The following C17orf100 variants were observed in gnomAD, a reference collection of about 807,000 sequenced individuals.
C17orf100 encodes the protein uncharacterized protein C17orf100.
C17orf100 carries 1 observed loss-of-function variant against 0.7 expected under a neutral mutation model. That is an observed-to-expected ratio of 1.50 (90% CI 0.53 to 7.13). C17orf100 has a LOEUF of 7.13. Among genes scored for constraint, C17orf100 ranks in the 30% most tolerant of loss-of-function variants. The pLI, the probability that C17orf100 is intolerant of heterozygous loss-of-function variation, is 0.14. For synonymous variants in C17orf100, 87 were observed against 84.0 expected (o/e 1.04, Z -0.20); for missense variants, 168 against 171.5 (o/e 0.98, Z 0.11).
At position 6,651,780 on chromosome 17, in the gene C17orf100, C is replaced by T; in HGVS notation, c.-134C>T. 6.9e-7 allele frequency: 1 copy of T among 1,443,334 alleles called. No individual in the cohort carries two copies. Among genetic ancestry groups the T allele is most frequent in the Non-Finnish European group, 9.1e-7 (1 of 1,104,340 alleles). The allele number at this position is 1,443,334 out of a possible 1,614,324, so 89.4% of individuals were successfully genotyped here. On this transcript the variant is annotated 5_prime_UTR_variant, in exon 1 of 1. Transcript: ENST00000542475. ...GTCCAGTGTTTTAGCCTTCGAAGGA[C>T]CATGGTGCTTCCACGTCATCGTGTT... is the stretch of plus-strand genomic sequence containing the variant.
chr17:6,652,515 G>C lies in C17orf100; in HGVS notation c.*245G>C. ...AGTGAACTATTTTCACTTGAAGCCA[G>C]CACAGAAGGTTTTCAGGCCCAGGAT... On this transcript the variant is annotated 3_prime_UTR_variant, in exon 1 of 1. Coordinates refer to ENST00000542475, the MANE Select transcript of C17orf100 (RefSeq NM_001105520.2). The C allele has an allele frequency of 1.4e-6, 2 of 1,424,596 alleles. No homozygotes were observed. The highest frequency in any genetic ancestry group is 1.8e-6 in the Non-Finnish European group (2 of 1,083,402). 88.2% of individuals were successfully genotyped at this position (1,424,596 alleles called of 1,614,324 possible).
Position 6,652,357 on chromosome 17 carries a change from C to T in C17orf100, c.*87C>T, listed in dbSNP as rs1389012918. The T allele has an allele frequency of 1.9e-6, 3 of 1,568,868 alleles. No individual in the cohort carries two copies. In the South Asian group the frequency reaches 3.5e-5, roughly 18 times the overall value. The stretch of plus-strand genomic sequence containing the variant: ...AGTTGCCAGCCAGCCAGCCAGCTGC[C>T]AGGTGGACCAATCATTTTCGGTTTC... On this transcript the variant is annotated 3_prime_UTR_variant, in exon 1 of 1. Coordinates refer to ENST00000542475, the MANE Select transcript of C17orf100 (RefSeq NM_001105520.2).
Position 6,652,221 on chromosome 17 carries a change from CCCCGCGGGCCAAGCCGGCCG to C in C17orf100, c.314_333del (p.Arg105ProfsTer63). The C allele has an allele frequency of 6.2e-7, 1 of 1,607,472 alleles. No homozygotes were observed. Among genetic ancestry groups the C allele is most frequent in the Non-Finnish European group, 8.5e-7 (1 of 1,179,698 alleles). On this transcript the variant is annotated frameshift_variant, in exon 1 of 1. Coordinates refer to ENST00000542475, the MANE Select transcript of C17orf100 (RefSeq NM_001105520.2). LOFTEE classifies it high-confidence loss of function. ...TCTCTGCACTGCGCGGAGAGCCCGA[CCCCGCGGGCCAAGCCGGCCG>C]CCCGCCAGAACGAAAAAACGGCCCG...
chr17:6,652,106 G>T lies in C17orf100; in HGVS notation c.193G>T (p.Glu65Ter), dbSNP rs370835982. Residue 65 changes from glutamate (E) to a stop codon, truncating the protein, a stop_gained, in exon 1 of 1, where the codon GAG becomes TAG. Transcript: ENST00000542475. LOFTEE classifies it low-confidence loss of function (END_TRUNC). ...GGGGAAGCGGCTCCCTCGCATCCTC[G>T]AGGCGTCCTCCCGGCACGTGGAATC... Reference protein sequence around the residue: ...PSGKRLPRILEASSRHVESSS... With the variant: ...PSGKRLPRIL The T allele has an allele frequency of 9.5e-6, 15 of 1,586,478 alleles. No homozygotes were observed. The highest frequency in any genetic ancestry group is 1.1e-5 in the Non-Finnish European group (13 of 1,171,892).
rs1170112812 is a variant in C17orf100, at chr17:6,651,816, C to A, written c.-98C>A. 1 of 1,442,942 alleles carries A rather than the reference C, an allele frequency of 6.9e-7. No homozygotes were observed. Among genetic ancestry groups the A allele is most frequent in the Non-Finnish European group, 9.1e-7 (1 of 1,102,482 alleles). 89.4% of individuals were successfully genotyped at this position (1,442,942 alleles called of 1,614,324 possible). On this transcript the variant is annotated 5_prime_UTR_variant, in exon 1 of 1. Coordinates refer to ENST00000542475, the MANE Select transcript of C17orf100 (RefSeq NM_001105520.2). The stretch of plus-strand genomic sequence containing the variant: ...CCACGTCATCGTGTTGTGGCGCTCC[C>A]GGCTATGGCAGTACCGTAGTTTTCC...
chr17:6,652,252 C>G lies in C17orf100; in HGVS notation c.339C>G (p.Asn113Lys). ...GGGCCAAGCCGGCCGCCCGCCAGAACGAAAAAACGGCCCGATGAGATGCTG... is the reference window on the plus strand; with the variant it reads ...GGGCCAAGCCGGCCGCCCGCCAGAAGGAAAAAACGGCCCGATGAGATGCTG... ...TPRAKPAARQ[N>K]EKTAR is the part of the protein sequence containing the mutation. The change falls in exon 1 of 1, where the codon AAC becomes AAG. Residue 113 changes from asparagine to lysine, a missense_variant. Asn to Lys is a moderately conservative substitution (Grantham distance 94). Transcript: ENST00000542475. 1 of 1,610,800 alleles carries G rather than the reference C, an allele frequency of 6.2e-7. No homozygotes were observed. The highest frequency in any genetic ancestry group is 1.1e-5 in the South Asian group (1 of 91,068).
rs1972854249 is a variant in C17orf100 at position 6,652,535 on chromosome 17, CA to C, written c.*266del. On this transcript the variant is annotated 3_prime_UTR_variant, in exon 1 of 1. Coordinates refer to ENST00000542475, the MANE Select transcript of C17orf100 (RefSeq NM_001105520.2). ...AGCCAGCACAGAAGGTTTTCAGGCC[CA>C]GGATGCTGTCTAAATCGGGTTGATG... 1 of 1,385,630 alleles carries C rather than the reference CA, an allele frequency of 7.2e-7. No homozygotes were observed. Among genetic ancestry groups the C allele is most frequent in the East Asian group, 2.8e-5 (1 of 35,610 alleles). 85.8% of individuals were successfully genotyped at this position (1,385,630 alleles called of 1,614,324 possible).
chr17:6,651,941 T>C lies in C17orf100; in HGVS notation c.28T>C (p.Ser10Pro). ...GGCCTCAGCCCGAGGGGCCAAGCAG[T>C]CTTCGCCCCGGGTGGGGACCACCCG... MASARGAKQSSPRVGTTRYT... is the reference protein window; with the variant it reads MASARGAKQPSPRVGTTRYT... Residue 10 changes from serine (S) to proline (P), a missense_variant, in exon 1 of 1, where the codon TCT becomes CCT. By Grantham distance (74) the Ser-to-Pro change is moderately conservative (BLOSUM62 -1). Coordinates refer to ENST00000542475, the MANE Select transcript of C17orf100 (RefSeq NM_001105520.2). 2.0e-6 allele frequency: 3 copies of C among 1,512,928 alleles called. No individual in the cohort carries two copies. Among genetic ancestry groups the C allele is most frequent in the Non-Finnish European group, 2.7e-6 (3 of 1,125,862 alleles). The allele number at this position is 1,512,928 out of a possible 1,614,324, so 93.7% of individuals were successfully genotyped here.
rs747097323 is a variant in C17orf100, at chr17:6,652,335, T to TGCCA, written c.*80_*83dup. The TGCCA allele has an allele frequency of 3.8e-6, 6 of 1,595,244 alleles. No individual in the cohort carries two copies. The highest frequency in any genetic ancestry group is 1.8e-5 in the Admixed American group (1 of 56,348). ...CAGCCAGGACAGAAAGGCCTCCAGT[T>TGCCA]GCCAGCCAGCCAGCCAGCTGCCAGG... On this transcript the variant is annotated 3_prime_UTR_variant, in exon 1 of 1. Transcript: ENST00000542475.
At position 6,652,330 on chromosome 17, in the gene C17orf100, C is replaced by G. The variant is rs1972852147; in HGVS notation, c.*60C>G. ...GCCCTCAGCCAGGACAGAAAGGCCT[C>G]CAGTTGCCAGCCAGCCAGCCAGCTG... On this transcript the variant is annotated 3_prime_UTR_variant, in exon 1 of 1. Transcript: ENST00000542475. 2 of 1,598,340 alleles carry G rather than the reference C, an allele frequency of 1.3e-6. No individual in the cohort carries two copies. The highest frequency in any genetic ancestry group is 2.3e-5 in the East Asian group (1 of 44,198).
rs776392644 is a variant in C17orf100 at position 6,652,116 on chromosome 17, C to G, written c.203C>G (p.Ser68Cys). ...CTCCCTCGCATCCTCGAGGCGTCCT[C>G]CCGGCACGTGGAATCCTCCTCGCAG... ...KRLPRILEASSRHVESSSQRT... is the reference protein window; with the variant it reads ...KRLPRILEASCRHVESSSQRT... Residue 68 changes from serine (S) to cysteine (C), a missense_variant, in exon 1 of 1, where the codon TCC becomes TGC. Physicochemically the swap from Ser to Cys is moderately radical, Grantham distance 112. Coordinates refer to ENST00000542475, the MANE Select transcript of C17orf100 (RefSeq NM_001105520.2). 3 of 1,591,548 alleles carry G rather than the reference C, an allele frequency of 1.9e-6. No individual in the cohort carries two copies. In the African/African-American group the frequency reaches 4.0e-5, roughly 21 times the overall value.
In C17orf100 at chr17:6,651,838, T is replaced by C. The variant is rs1972842796; in HGVS notation, c.-76T>C. ...TCCCGGCTATGGCAGTACCGTAGTT[T>C]TCCTCTCTTCTGCCTGCGGTGACCA... is the stretch of plus-strand genomic sequence containing the variant. On this transcript the variant is annotated 5_prime_UTR_variant, in exon 1 of 1. Coordinates refer to ENST00000542475, the MANE Select transcript of C17orf100 (RefSeq NM_001105520.2). 1.4e-6 allele frequency: 2 copies of C among 1,445,388 alleles called. No individual in the cohort carries two copies. The highest frequency in any genetic ancestry group is 1.8e-6 in the Non-Finnish European group (2 of 1,101,876). 89.5% of individuals were successfully genotyped at this position (1,445,388 alleles called of 1,614,324 possible).
At position 6,652,345 on chromosome 17, in the gene C17orf100, C is replaced by A. The variant is rs760917605; in HGVS notation, c.*75C>A. On this transcript the variant is annotated 3_prime_UTR_variant, in exon 1 of 1. Transcript: ENST00000542475. ...AGAAAGGCCTCCAGTTGCCAGCCAG[C>A]CAGCCAGCTGCCAGGTGGACCAATC... 6 of 1,586,384 alleles carry A rather than the reference C, an allele frequency of 3.8e-6. No individual in the cohort carries two copies. Among genetic ancestry groups the A allele is most frequent in the Middle Eastern group, 1.7e-4 (1 of 6,050 alleles).
In C17orf100 at chr17:6,652,481, T is replaced by C. The variant is rs1367296774; in HGVS notation, c.*211T>C. On this transcript the variant is annotated 3_prime_UTR_variant, in exon 1 of 1. Transcript: ENST00000542475. ...CGTCCTGCGTCTTGGACCAGCCTAC[T>C]TTTGACCCAGTGAACTATTTTCACT... 9 of 1,452,596 alleles carry C rather than the reference T, an allele frequency of 6.2e-6. No homozygotes were observed. Among genetic ancestry groups the C allele is most frequent in the Admixed American group, 5.7e-5 (2 of 35,226 alleles). The allele number at this position is 1,452,596 out of a possible 1,614,324, so 90.0% of individuals were successfully genotyped here.
chr17:6,652,430 T>A lies in C17orf100; in HGVS notation c.*160T>A. The A allele has an allele frequency of 6.7e-7, 1 of 1,495,046 alleles. No homozygotes were observed. The highest frequency in any genetic ancestry group is 1.4e-5 in the South Asian group (1 of 74,006). 92.6% of individuals were successfully genotyped at this position (1,495,046 alleles called of 1,614,324 possible). On this transcript the variant is annotated 3_prime_UTR_variant, in exon 1 of 1. Transcript: ENST00000542475. Reference sequence around the variant, plus strand: ...TGTAAGAAACAGCCAAGCCGCAGTTTCTGAACACAGCCAACGTTTACTGAC... The same window carrying A: ...TGTAAGAAACAGCCAAGCCGCAGTTACTGAACACAGCCAACGTTTACTGAC...
In C17orf100 at chr17:6,652,299, G is replaced by T; in HGVS notation, c.*29G>T. The stretch of plus-strand genomic sequence containing the variant: ...GCTGCTTCCCAAAGGCCACCAAGGG[G>T]CCAGGGCCCTCAGCCAGGACAGAAA... On this transcript the variant is annotated 3_prime_UTR_variant, in exon 1 of 1. Transcript: ENST00000542475. 1 of 1,610,242 alleles carries T rather than the reference G, an allele frequency of 6.2e-7. No individual in the cohort carries two copies. The highest frequency in any genetic ancestry group is 8.5e-7 in the Non-Finnish European group (1 of 1,178,940).
At position 6,652,011 on chromosome 17, in the gene C17orf100, G is replaced by C. The variant is rs760183070; in HGVS notation, c.98G>C (p.Arg33Pro). Reference protein sequence around the residue: ...STVRVETSSHRVETSSRRVET... With the variant: ...STVRVETSSHPVETSSRRVET... Reference sequence around the variant, plus strand: ...GTCCGCGTGGAGACCTCGTCCCACCGCGTGGAGACGTCGTCCCGGCGGGTG... The same window carrying C: ...GTCCGCGTGGAGACCTCGTCCCACCCCGTGGAGACGTCGTCCCGGCGGGTG... Residue 33 changes from arginine (R) to proline (P), a missense_variant, in exon 1 of 1, where the codon CGC becomes CCC. Arg to Pro is a moderately radical substitution (Grantham distance 103, BLOSUM62 -2). Transcript: ENST00000542475. 1.9e-6 allele frequency: 3 copies of C among 1,556,206 alleles called. No homozygotes were observed. The highest frequency in any genetic ancestry group is 2.6e-6 in the Non-Finnish European group (3 of 1,150,722).
In C17orf100 at chr17:6,652,648, C is replaced by G. The variant is rs1972855116; in HGVS notation, c.*378C>G. The G allele has an allele frequency of 3.6e-5, 14 of 390,152 alleles. No homozygotes were observed. In the South Asian group the frequency reaches 4.9e-4, roughly 14 times the overall value. 24.2% of individuals were successfully genotyped at this position (390,152 alleles called of 1,614,324 possible). The stretch of plus-strand genomic sequence containing the variant: ...AACCTTCACCCCTTAGGAACAGAGA[C>G]CAAACTGAAATAATGACCTGTGGAA... On this transcript the variant is annotated 3_prime_UTR_variant, in exon 1 of 1. Coordinates refer to ENST00000542475, the MANE Select transcript of C17orf100 (RefSeq NM_001105520.2).
chr17:6,652,288 G>T lies in C17orf100; in HGVS notation c.*18G>T. The stretch of plus-strand genomic sequence containing the variant: ...CCCGATGAGATGCTGCTTCCCAAAG[G>T]CCACCAAGGGGCCAGGGCCCTCAGC... On this transcript the variant is annotated 3_prime_UTR_variant, in exon 1 of 1. Coordinates refer to ENST00000542475, the MANE Select transcript of C17orf100 (RefSeq NM_001105520.2). 2 of 1,611,510 alleles carry T rather than the reference G, an allele frequency of 1.2e-6. No homozygotes were observed. Among genetic ancestry groups the T allele is most frequent in the South Asian group, 1.1e-5 (1 of 90,784 alleles).
Sources: allele counts gnomAD v4.1 joint callset, GRCh38; gene constraint gnomAD v4.1.1; transcripts MANE v1.5; gene names NCBI Gene and HGNC (gene_info 2026-07-23, HGNC 2026-07-21).